COG3: variants seen among roughly 807,000 people sequenced by gnomAD.
The protein encoded by COG3 is component of oligomeric golgi complex 3, also known as conserved oligomeric Golgi complex subunit 3.
Under a neutral mutation model 114.1 loss-of-function variants are expected in COG3, and 32 were observed. The ratio of observed to expected loss-of-function variants is 0.28; its 90% CI spans 0.21 to 0.38. The LOEUF (loss-of-function observed/expected upper bound fraction) is 0.38. COG3 is among the 10% of genes least tolerant of loss of function. The pLI is 1.00. For missense variants in COG3, 813 were observed against 973.2 expected, an observed-to-expected ratio of 0.84 and a Z score of 2.19; for synonymous variants, 352 against 365.7, an observed-to-expected ratio of 0.96 and a Z score of 0.43.
chr13:45,486,442 A>T (rs996475870), intron 7 of COG3, 53 bp from the exon 8 acceptor site: 10 of 1,149,776 alleles, frequency 8.7e-6, no homozygotes, highest in Admixed American at 8.5e-5. Flanking sequence ...GGTTTTCTGA[A>T]TTATTTGTTT....
At position 45,491,524 on chromosome 13, in the gene COG3, G is replaced by A. The variant is rs937530803; in HGVS notation, c.1081G>A (p.Asp361Asn). ...AGAGTTAACCAGCCAAAATAATAGA[G>A]ATCACTGTGCCTTGGTAAGTTTCTA... ...VAELTSQNNR[D>N]HCALVRSGCA... The change falls in exon 10 of 23, where the codon GAT (aspartate) becomes AAT (asparagine). Residue 361 changes from aspartate to asparagine, a missense_variant. Coordinates refer to ENST00000349995, the MANE Select transcript of COG3 (RefSeq NM_031431.4). 1.2e-6 allele frequency: 2 copies of A among 1,611,568 alleles called. No homozygotes were observed. The highest frequency in any genetic ancestry group is 2.7e-5 in the African/African-American group (2 of 74,956).
intron 19 of COG3, among the ~76,000 whole-genome samples, chr13:45,522,920 G>A (rs1474880436): frequency 6.6e-6 from 1 of 152,154 alleles, no homozygotes; most frequent in Non-Finnish European, 1.5e-5. Flanking sequence ...TTGTGTCAAG[G>A]CAGCTGAGCC....
At chr13:45,528,671 T>C (rs1315784271) in intron 20 of COG3, among the ~76,000 whole-genome samples, 1 of 152,226 alleles carries the variant, frequency 6.6e-6, no homozygotes, top group Non-Finnish European at 1.5e-5. Flanking sequence ...GAGATTGTAC[T>C]ATACCCCTTG....
chr13:45,523,316 C>G (rs1414899306), intron 19 of COG3, among the ~76,000 whole-genome samples: 2 of 151,474 alleles, frequency 1.3e-5, no homozygotes, highest in African/African-American at 2.4e-5. Context: ...AATTTTTTTT[C>G]TTGATCTAGT....
At chr13:45,533,128 T>G (rs1276503740) in intron 22 of COG3, among the ~76,000 whole-genome samples, 1 of 151,802 alleles carries the variant, frequency 6.6e-6, no homozygotes, top group Non-Finnish European at 1.5e-5. Context: ...CTGAGTGAAA[T>G]AAGAAGCAAG....
chr13:45,471,236 T>C (rs1885456655), intron 1 of COG3, among the ~76,000 whole-genome samples: 1 of 118,228 alleles, frequency 8.5e-6, no homozygotes, highest in African/African-American at 2.7e-5. Context: ...AGACCTCGTC[T>C]CTACAGAAAA....
rs1054845847 is a variant in COG3 at position 45,511,710 on chromosome 13, T to C, written c.1720-55T>C. 4.8e-6 allele frequency: 6 copies of C among 1,245,208 alleles called. No individual in the cohort carries two copies. In the African/African-American group the frequency reaches 6.0e-5, roughly 12 times the overall value. 77.1% of individuals were successfully genotyped at this position (1,245,208 alleles called of 1,614,324 possible). ...TTGCACTTACAGCCTAGGATATTCC[T>C]TTTTTTTTGTTTTGTCAAATGCCAC... On this transcript the variant is annotated intron_variant, in intron 15 of 22. Coordinates refer to ENST00000349995, the MANE Select transcript of COG3 (RefSeq NM_031431.4).
intron 19 of COG3, among the ~76,000 whole-genome samples, chr13:45,521,654 C>CT (rs1341773170): frequency 6.6e-6 from 1 of 152,082 alleles, no homozygotes; most frequent in African/African-American, 2.4e-5. Context: ...AGATTTTTCA[C>CT]TTTTTACCTA....
At chr13:45,507,276 C>T (rs1870257582) in intron 14 of COG3, among the ~76,000 whole-genome samples, 1 of 152,136 alleles carries the variant, frequency 6.6e-6, no homozygotes, top group South Asian at 2.1e-4. Flanking sequence ...TATTTCATCT[C>T]CTAAATATTC....
intron 13 of COG3, among the ~76,000 whole-genome samples, chr13:45,499,026 A>G (rs1869173838): frequency 6.6e-6 from 1 of 152,042 alleles, no homozygotes; most frequent in Admixed American, 6.6e-5. Context: ...AGAGGGTGGT[A>G]TTTAGAAACC....
At chr13:45,474,509 G>A (rs142000152) in intron 1 of COG3, among the ~76,000 whole-genome samples, 8 of 152,192 alleles carry the variant, frequency 5.3e-5, no homozygotes, top group African/African-American at 1.7e-4. Context: ...CAGTGTATCC[G>A]TATCAGCTAA....
chr13:45,470,436 T>C (rs977022116), intron 1 of COG3, among the ~76,000 whole-genome samples: 4 of 152,252 alleles, frequency 2.6e-5, no homozygotes, highest in African/African-American at 9.6e-5. Flanking sequence ...AAAGGAGTTA[T>C]ACTTTTTATC....
chr13:45,496,204 A>G lies in COG3; in HGVS notation c.1380A>G (p.Val460=). Residue 460 remains valine, a synonymous_variant, in exon 13 of 23, where the codon GTA becomes GTG. Coordinates refer to ENST00000349995, the MANE Select transcript of COG3 (RefSeq NM_031431.4). ...AAGVKQMLED[V]QERLVYRTHI... Reference sequence around the variant, plus strand: ...GAGTCAAGCAGATGTTAGAAGATGTACAGGAGCGGCTCGTCTACCGAACCC... The same window carrying G: ...GAGTCAAGCAGATGTTAGAAGATGTGCAGGAGCGGCTCGTCTACCGAACCC... 6.2e-7 allele frequency: 1 copy of G among 1,612,928 alleles called. No individual in the cohort carries two copies. The highest frequency in any genetic ancestry group is 8.5e-7 in the Non-Finnish European group (1 of 1,179,248).
chr13:45,478,964 A>C, intron 2 of COG3, 41 bp from the exon 3 acceptor site: 1 of 1,440,024 alleles, frequency 6.9e-7, no homozygotes, highest in Non-Finnish European at 9.7e-7. Context: ...TAATTTTGTC[A>C]GTTTTAGTTT....
chr13:45,530,403 T>C (rs1242701245), intron 21 of COG3, among the ~76,000 whole-genome samples: 1 of 152,216 alleles, frequency 6.6e-6, no homozygotes, highest in Non-Finnish European at 1.5e-5. Flanking sequence ...GGAACTTTGT[T>C]ATCTTTTGTG....
chr13:45,520,616 A>G (rs1237536754), intron 19 of COG3, among the ~76,000 whole-genome samples: 1 of 152,188 alleles, frequency 6.6e-6, no homozygotes, highest in Non-Finnish European at 1.5e-5. Flanking sequence ...AATGCATAGA[A>G]ATGTTAAAGT....
chr13:45,535,826 T>C lies in COG3; in HGVS notation c.*1095T>C. On this transcript the variant is annotated 3_prime_UTR_variant, in exon 23 of 23. Coordinates refer to ENST00000349995, the MANE Select transcript of COG3 (RefSeq NM_031431.4). ...TATGAATTTTCCAACAAATTCCTAC[T>C]TCCTGATTGGATTGGTTTTGCCGCT... The C allele has an allele frequency of 4.1e-6, 4 of 987,626 alleles. No individual in the cohort carries two copies. The highest frequency in any genetic ancestry group is 4.8e-6 in the Non-Finnish European group (4 of 830,108). 61.2% of individuals were successfully genotyped at this position (987,626 alleles called of 1,614,324 possible).
chr13:45,525,798 T>TAGAAG (rs60135433), intron 20 of COG3, among the ~76,000 whole-genome samples: 1 of 151,172 alleles, frequency 6.6e-6, no homozygotes, highest in Non-Finnish European at 1.5e-5. Context: ...AATATTGTGA[T>TAGAAG]AGCCTTTGAA....
intron 14 of COG3, 142 bp downstream of exon 14, chr13:45,503,491 A>T: frequency 1.7e-6 from 1 of 586,724 alleles, no homozygotes; most frequent in Non-Finnish European, 3.1e-6. Context: ...GCCAAGCCAC[A>T]GACAGAATTC....
Sources: allele counts gnomAD v4.1 joint callset (sites outside exome capture counted in the v4.1 genomes callset), GRCh38; gene constraint gnomAD v4.1.1; transcripts MANE v1.5; gene names NCBI Gene and HGNC (gene_info 2026-07-23, HGNC 2026-07-21).